PTPRB: variants seen among roughly 807,000 people sequenced by gnomAD.
The protein encoded by PTPRB is protein tyrosine phosphatase receptor type B.
In PTPRB, 97 loss-of-function variants were observed where a neutral mutation model predicts 238.1. That is an observed-to-expected ratio of 0.41 (90% CI 0.35 to 0.48). PTPRB has a LOEUF of 0.48. Ranked by LOEUF, PTPRB falls within the 20% of genes least tolerant of loss-of-function variation. The pLI, the probability that PTPRB is intolerant of heterozygous loss-of-function variation, is 0.30. For missense variants in PTPRB, 2,292 were observed against 2,681.9 expected, an observed-to-expected ratio of 0.85 and a Z score of 3.21; for synonymous variants, 970 against 995.4, an observed-to-expected ratio of 0.97 and a Z score of 0.48.
At chr12:70,590,450 G>T (rs1421268530) in intron 7 of PTPRB, among the ~76,000 whole-genome samples, 1 of 152,146 alleles carries the variant, frequency 6.6e-6, no homozygotes, top group African/African-American at 2.4e-5. Flanking sequence ...AGTGATATCA[G>T]TAATGTAATC....
chr12:70,568,843 C>T (rs575201177), intron 14 of PTPRB, among the ~76,000 whole-genome samples: 121 of 152,192 alleles, frequency 8.0e-4, no homozygotes, highest in African/African-American at 2.6e-3. Flanking sequence ...ATATACGTAT[C>T]CTTGATACTG....
In PTPRB at chr12:70,540,041, A is replaced by C. The variant is rs548558291; in HGVS notation, c.5595-19T>G. On this transcript the variant is annotated intron_variant, in intron 23 of 33. Coordinates refer to ENST00000334414, the MANE Select transcript of PTPRB (RefSeq NM_001109754.4). ...ACCATGGCTGAAACATAAGGGAGAT[A>C]ACTTTTATTCTGATTATGATACTTG... The C allele has an allele frequency of 6.3e-7, 1 of 1,576,770 alleles. No homozygotes were observed. The highest frequency in any genetic ancestry group is 1.1e-5 in the South Asian group (1 of 89,892).
At chr12:70,579,712 AAAAG>A (rs1319539389) in intron 10 of PTPRB, among the ~76,000 whole-genome samples, 1 of 151,680 alleles carries the variant, frequency 6.6e-6, no homozygotes, top group Non-Finnish European at 1.5e-5. Context: ...AAAAAAAAAA[AAAAG>A]AAACATGCAA....
chr12:70,618,077 A>T (rs779344886), intron 3 of PTPRB, among the ~76,000 whole-genome samples: 6 of 152,136 alleles, frequency 3.9e-5, no homozygotes, highest in Non-Finnish European at 5.9e-5. Context: ...TATCATGTAT[A>T]GCCAGTGTTC....
At chr12:70,588,107 AAAAAAAG>A (rs1882116581) in intron 8 of PTPRB, among the ~76,000 whole-genome samples, 1 of 145,480 alleles carries the variant, frequency 6.9e-6, no homozygotes, top group African/African-American at 2.8e-5. Context: ...AAAAAAAAAA[AAAAAAAG>A]AAAAGAAAAG....
At chr12:70,538,298 G>T in intron 27 of PTPRB, 67 bp from the exon 28 acceptor site, 1 of 1,364,312 alleles carries the variant, frequency 7.3e-7, no homozygotes, top group Non-Finnish European at 1.0e-6. Flanking sequence ...TGTGTGTGAT[G>T]TGCCTTAGCT....
In PTPRB at chr12:70,521,486, T is replaced by C. The variant is rs1291075136; in HGVS notation, c.*3A>G. On this transcript the variant is annotated 3_prime_UTR_variant, in exon 34 of 34. Coordinates refer to ENST00000334414, the MANE Select transcript of PTPRB (RefSeq NM_001109754.4). ...TTTATCCAGGAGCTCTTCAGGTACA[T>C]TCTCAATGCCTTGAATAGACTGGAT... 7.8e-6 allele frequency: 12 copies of C among 1,542,254 alleles called. No homozygotes were observed. The highest frequency in any genetic ancestry group is 9.6e-6 in the Non-Finnish European group (11 of 1,143,744).
intron 4 of PTPRB, 42 bp downstream of exon 4, chr12:70,609,025 ACC>A: frequency 6.2e-7 from 1 of 1,603,026 alleles, no homozygotes. Context: ...GCAGGGCCCA[ACC>A]CCGTGTGGCT....
chr12:70,561,984 G>T (rs1878544374), intron 16 of PTPRB, among the ~76,000 whole-genome samples: 1 of 152,204 alleles, frequency 6.6e-6, no homozygotes, highest in Non-Finnish European at 1.5e-5. Flanking sequence ...GAATTGAATA[G>T]GTGGGCTGAC....
At position 70,516,755 on chromosome 12, in the gene PTPRB, G is replaced by A. The variant is rs1233028904; in HGVS notation, c.*4734C>T. ...TCACAGTTTTGAATAACTTATTTTG[G>A]TGTCTTATATAAGATCATGTGAATT... On this transcript the variant is annotated 3_prime_UTR_variant, in exon 34 of 34. Transcript: ENST00000334414. The A allele has an allele frequency of 6.6e-6, 1 of 152,064 alleles. No homozygotes were observed. Among genetic ancestry groups the A allele is most frequent in the African/African-American group, 2.4e-5 (1 of 41,394 alleles). 9.4% of individuals were successfully genotyped at this position (152,064 alleles called of 1,614,324 possible). A position where few individuals can be genotyped will look rare whatever the true frequency, so the allele number is the denominator to read the frequency against.
rs765057015 is a variant in PTPRB, at chr12:70,622,468, G to A, written c.630C>T (p.Pro210=). The change falls in exon 3 of 34, where the codon CCC becomes CCT. Residue 210 remains proline, a synonymous_variant. Transcript: ENST00000334414. The stretch of plus-strand genomic sequence containing the variant: ...CTGTAATTCCAGTCATGTGCAGATT[G>A]GGATGCTGCCTCTCGCTGCTGTTTT... The part of the protein sequence containing the change: ...YSQNSSERQH[P]NLHMTGITDT... The A allele has an allele frequency of 6.2e-7, 1 of 1,613,438 alleles. No individual in the cohort carries two copies. The highest frequency in any genetic ancestry group is 1.1e-5 in the South Asian group (1 of 91,076).
rs1334423668 is a variant in PTPRB, at chr12:70,534,537, C to G, written c.6319G>C (p.Asp2107His). Residue 2107 changes from aspartate (D) to histidine (H), a missense_variant, in exon 31 of 34, where the codon GAC (aspartate) becomes CAC (histidine). Coordinates refer to ENST00000334414, the MANE Select transcript of PTPRB (RefSeq NM_001109754.4). ...SLIQFVRTVR[D>H]YINRSPGAGP... ...GCACCCGGGCTTCTGTTGATGTAGT[C>G]CCTGACAGTTCTCACAAACTGGATC... The G allele has an allele frequency of 1.9e-6, 3 of 1,613,484 alleles. No individual in the cohort carries two copies.
Position 70,538,186 on chromosome 12 carries a change from C to T in PTPRB, c.5915G>A (p.Cys1972Tyr). 6.2e-7 allele frequency: 1 copy of T among 1,613,728 alleles called. No homozygotes were observed. The highest frequency in any genetic ancestry group is 8.5e-7 in the Non-Finnish European group (1 of 1,179,772). Residue 1972 changes from cysteine to tyrosine, a missense_variant, in exon 28 of 34, where the codon TGC becomes TAC. Coordinates refer to ENST00000334414, the MANE Select transcript of PTPRB (RefSeq NM_001109754.4). ...VKLSNVDDDP[C>Y]SDYINASYIP... is the part of the protein sequence containing the mutation. The stretch of plus-strand genomic sequence containing the variant: ...GTAGCTGGCATTGATGTAGTCAGAG[C>T]AAGGATCATCATCTACATTGGAGAG...
At chr12:70,625,021 A>AGTCTTATGT (rs1242487434) in intron 2 of PTPRB, among the ~76,000 whole-genome samples, 3 of 152,202 alleles carry the variant, frequency 2.0e-5, no homozygotes, top group Admixed American at 6.5e-5. Flanking sequence ...AAAAAATTTC[A>AGTCTTATGT]GTCTTATGTC....
chr12:70,627,191 T>C (rs888891035), intron 2 of PTPRB, among the ~76,000 whole-genome samples: 2 of 151,994 alleles, frequency 1.3e-5, no homozygotes, highest in African/African-American at 4.8e-5. Flanking sequence ...ACTGAAATAG[T>C]AGGGTGGAAG....
intron 4 of PTPRB, among the ~76,000 whole-genome samples, chr12:70,601,074 G>T (rs1883440479): frequency 6.6e-6 from 1 of 151,986 alleles, no homozygotes; most frequent in African/African-American, 2.4e-5. Context: ...CATTGTGTTG[G>T]CCAGGCTGGT....
chr12:70,580,024 G>C lies in PTPRB; in HGVS notation c.2578+1012C>G, dbSNP rs146931616. The stretch of plus-strand genomic sequence containing the variant: ...CAAGGTCCCACTAATAATTATCAAA[G>C]CTTCTATTGGGTTTATGTAATTTTT... On this transcript the variant is annotated intron_variant, in intron 10 of 33. Transcript: ENST00000334414. Among the ~76,000 whole-genome samples, 187 of 151,938 alleles carry C rather than the reference G, an allele frequency of 1.2e-3. 1 individual carries two copies. Among genetic ancestry groups the C allele is most frequent in the Middle Eastern group, 3.4e-3 (1 of 294 alleles).
chr12:70,635,249 T>C (rs1885629368), intron 2 of PTPRB, among the ~76,000 whole-genome samples: 1 of 152,218 alleles, frequency 6.6e-6, no homozygotes, highest in African/African-American at 2.4e-5. Flanking sequence ...AATAATTTAT[T>C]ATAATTAGCA....
chr12:70,589,894 T>C, intron 8 of PTPRB, 70 bp downstream of exon 8: 1 of 1,465,716 alleles, frequency 6.8e-7, no homozygotes, highest in Non-Finnish European at 9.3e-7. Context: ...GTTACGGCAG[T>C]TACCTGGGTT....
Sources: allele counts gnomAD v4.1 joint callset (sites outside exome capture counted in the v4.1 genomes callset), GRCh38; gene constraint gnomAD v4.1.1; transcripts MANE v1.5; gene names NCBI Gene and HGNC (gene_info 2026-07-23, HGNC 2026-07-21).